Variants in WRN observed in about 807,000 individuals in gnomAD.
WRN encodes the protein bifunctional 3'-5' exonuclease/ATP-dependent helicase WRN.
A neutral mutation model predicts 180.7 loss-of-function variants in WRN; 149 were observed. That is an observed-to-expected ratio of 0.82 (90% CI 0.72 to 0.94). The LOEUF (loss-of-function observed/expected upper bound fraction) is 0.94, where lower values mean the gene tolerates loss of function less well. Among genes scored for constraint, WRN ranks in the 40% least tolerant of loss-of-function variants. The pLI is 0.00. For missense variants in WRN, 1,661 were observed against 1,700.1 expected (o/e 0.98, Z 0.40); for synonymous variants, 548 against 568.9 (o/e 0.96, Z 0.52).
intron 1 of WRN, among the ~76,000 whole-genome samples, chr8:31,045,399 A>G (rs943136804): frequency 4.8e-5 from 7 of 147,278 alleles, no homozygotes; most frequent in Admixed American, 2.0e-4. Flanking sequence ...CCAATTCCAC[A>G]CTAATTTTTT....
chr8:31,086,434 T>G (rs1322807112), intron 11 of WRN, among the ~76,000 whole-genome samples: 2 of 151,890 alleles, frequency 1.3e-5, no homozygotes, highest in Non-Finnish European at 2.9e-5. Flanking sequence ...ATTGGCTGGG[T>G]GTGGTGGCAT....
intron 21 of WRN, among the ~76,000 whole-genome samples, chr8:31,123,346 C>T (rs909018376): frequency 6.6e-6 from 1 of 152,020 alleles, no homozygotes; most frequent in Non-Finnish European, 1.5e-5. Context: ...AAACATAATA[C>T]ATACAGGATT....
At chr8:31,160,231 G>A (rs1437098636) in intron 33 of WRN, among the ~76,000 whole-genome samples, 4 of 152,168 alleles carry the variant, frequency 2.6e-5, no homozygotes, top group African/African-American at 4.8e-5. Flanking sequence ...AGGAATGGAC[G>A]TAGTAGTCAT....
rs1585471496 is a variant in WRN at position 31,111,607 on chromosome 8, T to A, written c.2089-8T>A. 8 of 1,613,936 alleles carry A rather than the reference T, an allele frequency of 5.0e-6. No homozygotes were observed. Among genetic ancestry groups the A allele is most frequent in the Non-Finnish European group, 6.8e-6 (8 of 1,179,862 alleles). ...TCCTTTTTAAAATATCAGTTTTACA[T>A]CATTCAGGTTCCAATCGTTGCACTT... On this transcript the variant is annotated splice_polypyrimidine_tract_variant and splice_region_variant and intron_variant, in intron 18 of 34. Coordinates refer to ENST00000298139, the MANE Select transcript of WRN (RefSeq NM_000553.6).
At chr8:31,137,880 C>G (rs560142460) in intron 24 of WRN, among the ~76,000 whole-genome samples, 3 of 152,236 alleles carry the variant, frequency 2.0e-5, no homozygotes, top group African/African-American at 4.8e-5. Context: ...ACGAGGATCT[C>G]TCAACCCCAG....
intron 30 of WRN, among the ~76,000 whole-genome samples, chr8:31,147,939 G>T (rs1485176632): frequency 1.3e-5 from 2 of 148,148 alleles, no homozygotes. Context: ...CCAGGCTGGA[G>T]TGTAGTGGTG....
At chr8:31,120,461 C>A (rs756321514) in intron 21 of WRN, 37 bp downstream of exon 21, 3 of 1,565,830 alleles carry the variant, frequency 1.9e-6, no homozygotes, top group East Asian at 4.7e-5. Flanking sequence ...TTGCAGATTT[C>A]TTTCTTTCTT....
chr8:31,113,628 A>G (rs1412050047), intron 19 of WRN, among the ~76,000 whole-genome samples: 2 of 152,054 alleles, frequency 1.3e-5, no homozygotes, highest in African/African-American at 2.4e-5. Flanking sequence ...AACACTCTCT[A>G]TGGCACTTTC....
Position 31,135,009 on chromosome 8 carries a change from T to TC in WRN, c.2967+2508dup, listed in dbSNP as rs554946363. Among the ~76,000 whole-genome samples the TC allele has an allele frequency of 2.6e-3, 389 of 151,580 alleles. 3 individuals are homozygous for TC. Among genetic ancestry groups the TC allele is most frequent in the Admixed American group, 0.012 (183 of 15,224 alleles). ...GGACTGGGAAAAAGCACCCCCGTCC[T>TC]CCCCCAAGCCCCCCCACCAAAAAAA... On this transcript the variant is annotated intron_variant, in intron 24 of 34. Transcript: ENST00000298139.
chr8:31,050,589 A>C (rs1472914369), intron 1 of WRN, among the ~76,000 whole-genome samples: 1 of 148,818 alleles, frequency 6.7e-6, no homozygotes, highest in Non-Finnish European at 1.5e-5. Flanking sequence ...TTTCCACTCT[A>C]CTTCCTGCTT....
chr8:31,052,308 T>C (rs2129971586), intron 1 of WRN, among the ~76,000 whole-genome samples: 1 of 152,356 alleles, frequency 6.6e-6, no homozygotes, highest in East Asian at 1.9e-4. Flanking sequence ...CATTTGCAAT[T>C]GTGAGATAAC....
chr8:31,054,093 T>C (rs1812176340), intron 1 of WRN, among the ~76,000 whole-genome samples: 1 of 152,150 alleles, frequency 6.6e-6, no homozygotes, highest in South Asian at 2.1e-4. Context: ...CCATTTGCTT[T>C]TTTGTAGTGG....
chr8:31,043,898 A>C (rs2129929297), intron 1 of WRN, among the ~76,000 whole-genome samples: 1 of 152,324 alleles, frequency 6.6e-6, no homozygotes, highest in East Asian at 1.9e-4. Flanking sequence ...GTAGAAAAAT[A>C]ATTGGACTAC....
Position 31,081,262 on chromosome 8 carries a change from A to G in WRN, c.1235A>G (p.Glu412Gly), listed in dbSNP as rs1813300484. The G allele has an allele frequency of 1.9e-6, 3 of 1,613,104 alleles. No homozygotes were observed. The South Asian group carries it at 3.3e-5, about 18-fold the overall frequency. ...LQILEQQSQE[E>G]YLSDIAYKST... Reference sequence around the variant, plus strand: ...ATTTTGGAACAGCAGTCTCAGGAAGAATATCTTAGTGATATTGCTTATAAA... The same window carrying G: ...ATTTTGGAACAGCAGTCTCAGGAAGGATATCTTAGTGATATTGCTTATAAA... Residue 412 changes from glutamate to glycine, a missense_variant, in exon 9 of 35, where the codon GAA becomes GGA. Coordinates refer to ENST00000298139, the MANE Select transcript of WRN (RefSeq NM_000553.6).
At chr8:31,096,594 C>T (rs1354957378) in intron 16 of WRN, among the ~76,000 whole-genome samples, 174 bp from the exon 17 acceptor site, 1 of 152,074 alleles carries the variant, frequency 6.6e-6, no homozygotes, top group Non-Finnish European at 1.5e-5. Flanking sequence ...GATAAGCATT[C>T]TCTGCATATA....
intron 15 of WRN, 82 bp downstream of exon 15, chr8:31,091,024 A>G: frequency 9.4e-7 from 1 of 1,061,600 alleles, no homozygotes; most frequent in East Asian, 2.4e-5. Context: ...TGCATGTTAA[A>G]ATCTAGTTCA....
rs1475472802 is a variant in WRN, at chr8:31,058,647, A to G, written c.96+104A>G. ...TAAACTTCAAGTCATTGTTTAGGTC[A>G]GAGTTGCTGTTGTCTAAATGCACCA... On this transcript the variant is annotated intron_variant, in intron 2 of 34. Transcript: ENST00000298139. The G allele has an allele frequency of 4.2e-6, 5 of 1,203,696 alleles. No homozygotes were observed. In the Admixed American group the frequency reaches 5.9e-5, roughly 14 times the overall value. The allele number at this position is 1,203,696 out of a possible 1,614,324, so 74.6% of individuals were successfully genotyped here. A position where few individuals can be genotyped will look rare whatever the true frequency, so the allele number is the denominator to read the frequency against.
intron 8 of WRN, among the ~76,000 whole-genome samples, chr8:31,080,189 C>CT (rs1813245051): frequency 1.3e-5 from 2 of 152,256 alleles, no homozygotes; most frequent in East Asian, 3.9e-4. Flanking sequence ...CCCAAATTTT[C>CT]TTTTAACTTA....
intron 1 of WRN, among the ~76,000 whole-genome samples, chr8:31,057,672 G>A (rs1294566506): frequency 1.3e-5 from 2 of 152,018 alleles, no homozygotes; most frequent in African/African-American, 2.4e-5. Context: ...CTTGAACTAA[G>A]GCTATTTTAT....
Sources: allele counts gnomAD v4.1 joint callset (sites outside exome capture counted in the v4.1 genomes callset), GRCh38; gene constraint gnomAD v4.1.1; transcripts MANE v1.5; gene names NCBI Gene and HGNC (gene_info 2026-07-23, HGNC 2026-07-21).